The following DMD variants were observed in gnomAD, a reference collection of about 807,000 sequenced individuals.
The protein encoded by DMD is mutant dystrophin.
A neutral mutation model predicts 330.1 loss-of-function variants in DMD; 63 were observed. The observed-to-expected ratio is 0.19, with a 90% CI of 0.16 to 0.24. The LOEUF (loss-of-function observed/expected upper bound fraction) is 0.24. Among genes scored for constraint, DMD ranks in the 10% least tolerant of loss-of-function variants. DMD has a pLI of 1.00. For synonymous variants in DMD, 1,223 were observed against 959.8 expected (o/e 1.27, Z -5.07); for missense variants, 3,344 against 2,684.1 (o/e 1.25, Z -5.43).
In DMD at chrX:31,689,419, G is replaced by A. The variant is rs767736631; in HGVS notation, c.7661-9833C>T. On this transcript the variant is annotated intron_variant, in intron 52 of 78. Transcript: ENST00000357033. ...TACAAATACAACTTACAAGGGATGT[G>A]AAGGACCTCTTCAAGGAGAACTACA... Among the ~76,000 whole-genome samples the A allele has an allele frequency of 2.0e-4, 22 of 111,733 alleles. No homozygotes were observed. The South Asian group carries it at 7.6e-3, about 39-fold the overall frequency.
chrX:32,026,303 G>A lies in DMD; in HGVS notation c.6439-57789C>T, dbSNP rs755513451. On this transcript the variant is annotated intron_variant, in intron 44 of 78. Coordinates refer to ENST00000357033, the MANE Select transcript of DMD (RefSeq NM_004006.3). The stretch of plus-strand genomic sequence containing the variant: ...ACTTAGAAGCATATTAAAACTTCAC[G>A]AAGTTTTACAACATGCTAATTTAAT... Among the ~76,000 whole-genome samples the A allele has an allele frequency of 2.1e-3, 231 of 112,001 alleles. 1 individual carries two copies. Among genetic ancestry groups the A allele is most frequent in the Non-Finnish European group, 3.7e-3 (195 of 53,121 alleles).
intron 7 of DMD, among the ~76,000 whole-genome samples, chrX:32,723,003 C>T (rs1185768398): frequency 1.8e-5 from 2 of 110,906 alleles, no homozygotes; most frequent in African/African-American, 6.6e-5. Flanking sequence ...TGCTTTTTAG[C>T]AAATCTTAAG....
At chrX:33,242,722 A>T (rs1286287689) in intron 1 of DMD, among the ~76,000 whole-genome samples, 1 of 111,856 alleles carries the variant, frequency 8.9e-6, no homozygotes, top group Admixed American at 9.5e-5. Context: ...AGCAGTGTAG[A>T]AGTGTTCCCT....
chrX:32,407,227 C>T (rs966769620), intron 30 of DMD, among the ~76,000 whole-genome samples: 2 of 111,563 alleles, frequency 1.8e-5, no homozygotes, highest in African/African-American at 6.5e-5. Flanking sequence ...ACCTACTCCT[C>T]TGACAAAGGG....
At chrX:31,950,717 C>T (rs1280490326) in intron 45 of DMD, among the ~76,000 whole-genome samples, 4 of 109,958 alleles carry the variant, frequency 3.6e-5, no homozygotes, top group Non-Finnish European at 5.7e-5. Context: ...CTTAATTGAC[C>T]CCTTATATAA....
At chrX:33,307,724 A>G (rs1224460857) in intron 1 of DMD, among the ~76,000 whole-genome samples, 2 of 111,051 alleles carry the variant, frequency 1.8e-5, no homozygotes, top group Non-Finnish European at 3.8e-5. Context: ...AAAGATCAGA[A>G]AGGCCCATTG....
intron 1 of DMD, among the ~76,000 whole-genome samples, chrX:33,222,956 G>A (rs1426722366): frequency 3.6e-5 from 4 of 112,000 alleles, no homozygotes; most frequent in Non-Finnish European, 7.5e-5. Flanking sequence ...TTACTTTGCA[G>A]ATATTAACAA....
intron 7 of DMD, among the ~76,000 whole-genome samples, chrX:32,808,461 C>A (rs992946488): frequency 9.0e-6 from 1 of 111,303 alleles, no homozygotes; most frequent in Non-Finnish European, 1.9e-5. Context: ...GTTAACTCCT[C>A]CCACCCCAAT....
chrX:31,487,974 CTG>C lies in DMD; in HGVS notation c.8547+8812_8547+8813del, dbSNP rs780886633. Among the ~76,000 whole-genome samples, 5 of 111,300 alleles carry C rather than the reference CTG, an allele frequency of 4.5e-5. 1 individual carries two copies. Among genetic ancestry groups the C allele is most frequent in the East Asian group, 2.8e-4 (1 of 3,556 alleles). On this transcript the variant is annotated intron_variant, in intron 57 of 78. Coordinates refer to ENST00000357033, the MANE Select transcript of DMD (RefSeq NM_004006.3). The stretch of plus-strand genomic sequence containing the variant: ...AAGGGGAAAATGTGTTTAACAAACT[CTG>C]TGTTGAGATTTATTTTTCTGGAAGT...
At chrX:32,132,982 C>CCTTTTCTTTT (rs1178464095) in intron 44 of DMD, among the ~76,000 whole-genome samples, 2 of 33,833 alleles carry the variant, frequency 5.9e-5, no homozygotes, top group African/African-American at 1.8e-4. Context: ...ATTGATCACT[C>CCTTTTCTTTT]CTTTTCTTTT....
At chrX:33,020,074 T>A in intron 2 of DMD, 65 bp downstream of exon 2, 1 of 877,823 alleles carries the variant, frequency 1.1e-6, no homozygotes, top group Non-Finnish European at 1.6e-6. Context: ...GATACACAGG[T>A]ACATAGTCCA....
At chrX:32,434,348 T>G (rs574582177) in intron 29 of DMD, among the ~76,000 whole-genome samples, 3 of 112,009 alleles carry the variant, frequency 2.7e-5, no homozygotes, top group African/African-American at 9.7e-5. Context: ...AGGCAGAGGT[T>G]GCAGTGAGCC....
intron 55 of DMD, among the ~76,000 whole-genome samples, chrX:31,566,198 A>G (rs1869043946): frequency 9.0e-6 from 1 of 111,109 alleles, no homozygotes; most frequent in South Asian, 3.8e-4. Context: ...AGATTTTCTC[A>G]TTTTTCCCTA....
At chrX:32,165,436 G>A (rs776179525) in intron 44 of DMD, among the ~76,000 whole-genome samples, 3 of 112,640 alleles carry the variant, frequency 2.7e-5, no homozygotes, top group African/African-American at 9.7e-5. Flanking sequence ...CTTGGGGCCT[G>A]TAGCCCCTTC....
At chrX:31,147,050 C>T (rs1418161932) in intron 75 of DMD, among the ~76,000 whole-genome samples, 1 of 111,270 alleles carries the variant, frequency 9.0e-6, no homozygotes, top group Admixed American at 9.5e-5. Flanking sequence ...TCAAATTGGT[C>T]AAGAAAAAAC....
intron 1 of DMD, among the ~76,000 whole-genome samples, chrX:33,020,433 G>A (rs2093891991): frequency 8.9e-6 from 1 of 112,055 alleles, no homozygotes; most frequent in African/African-American, 3.2e-5. Flanking sequence ...CAACAGTTTG[G>A]GAGGCCAGTG....
intron 52 of DMD, among the ~76,000 whole-genome samples, chrX:31,695,937 C>G (rs1442657884): frequency 9.0e-6 from 1 of 111,007 alleles, no homozygotes; most frequent in Non-Finnish European, 1.9e-5. Context: ...AATATTCTCA[C>G]CACAAAAATG....
intron 37 of DMD, among the ~76,000 whole-genome samples, chrX:32,361,490 C>T (rs1394344135): frequency 1.8e-5 from 2 of 111,561 alleles, no homozygotes; most frequent in Admixed American, 9.6e-5. Context: ...AAGTAGTTAA[C>T]TATTAAAAAT....
Position 32,342,146 on chromosome X carries a change from A to G in DMD, c.5876T>C (p.Ile1959Thr), listed in dbSNP as rs1306182225. Reference protein sequence around the residue: ...QIQLSKRWREIESKFAQFRRL... With the variant: ...QIQLSKRWRETESKFAQFRRL... ...TCGAAACTGAGCAAATTTGCTCTCA[A>G]TTTCCCGCCAGCGCTTGCTGAGCTG... is the stretch of plus-strand genomic sequence containing the variant. The change falls in exon 41 of 79, where the codon ATT becomes ACT. Residue 1959 changes from isoleucine (I) to threonine (T), a missense_variant. Physicochemically the swap from Ile to Thr is moderately conservative, Grantham distance 89. Coordinates refer to ENST00000357033, the MANE Select transcript of DMD (RefSeq NM_004006.3). 1 of 1,207,833 alleles carries G rather than the reference A, an allele frequency of 8.3e-7. No individual in the cohort carries two copies. The highest frequency in any genetic ancestry group is 1.1e-6 in the Non-Finnish European group (1 of 893,829).
Sources: allele counts gnomAD v4.1 joint callset (sites outside exome capture counted in the v4.1 genomes callset), GRCh38; gene constraint gnomAD v4.1.1; transcripts MANE v1.5; gene names NCBI Gene and HGNC (gene_info 2026-07-23, HGNC 2026-07-21).